Variants in MPRIP observed in about 807,000 individuals in gnomAD.
The protein encoded by MPRIP is myosin phosphatase Rho interacting protein.
In MPRIP, 59 loss-of-function variants were observed where a neutral mutation model predicts 234.9. The observed-to-expected ratio is 0.25, with a 90% CI of 0.20 to 0.31. The LOEUF is 0.31. MPRIP is among the 10% of genes least tolerant of loss of function. The pLI, the probability that MPRIP is intolerant of heterozygous loss-of-function variation, is 1.00. For synonymous variants in MPRIP, 1,144 were observed against 1,263.9 expected, an observed-to-expected ratio of 0.91 and a Z score of 2.01; for missense variants, 2,436 against 3,071.0, an observed-to-expected ratio of 0.79 and a Z score of 4.89.
In MPRIP at chr17:17,188,269, G is replaced by C. The variant is rs1049414254; in HGVS notation, c.*3375G>C. 12 of 152,402 alleles carry C rather than the reference G, an allele frequency of 7.9e-5. No homozygotes were observed. Among genetic ancestry groups the C allele is most frequent in the Non-Finnish European group, 1.5e-4 (10 of 68,128 alleles). 9.4% of individuals were successfully genotyped at this position (152,402 alleles called of 1,614,324 possible). The stretch of plus-strand genomic sequence containing the variant: ...GGGAGTCATAATGGGCCTGTGCTAA[G>C]TGGGTGATGCAGTGGACATCCCAGG... On this transcript the variant is annotated 3_prime_UTR_variant, in exon 24 of 24. Transcript: ENST00000651222.
Position 17,138,063 on chromosome 17 carries a change from C to G in MPRIP, c.884C>G (p.Thr295Ser). 6.2e-7 allele frequency: 1 copy of G among 1,602,378 alleles called. No homozygotes were observed. The highest frequency in any genetic ancestry group is 2.3e-5 in the East Asian group (1 of 43,876). Residue 295 changes from threonine to serine, a missense_variant, in exon 7 of 24, where the codon ACC (threonine) becomes AGC (serine). By Grantham distance (58) the Thr-to-Ser change is moderately conservative (BLOSUM62 1). This residue lies in a region of MPRIP where 267 missense variants were observed against 252.7 expected (regional missense o/e 1.06). Coordinates refer to ENST00000651222, the MANE Select transcript of MPRIP (RefSeq NM_001364716.4). This position sits in a 1 kb window ranked among gnomAD's most constrained non-coding sequence, Gnocchi z 5.8. ...PPPLSPPSPS[T>S]PNHRYSCPES... The stretch of plus-strand genomic sequence containing the variant: ...CCGCTCTCCCCTCCCAGCCCCAGCA[C>G]CCCCAACCACAGGTACAGTTGCCCC...
At chr17:17,099,197 C>T (rs747304433) in intron 3 of MPRIP, among the ~76,000 whole-genome samples, 6 of 152,198 alleles carry the variant, frequency 3.9e-5, no homozygotes. Flanking sequence ...CTCCCTCCCT[C>T]CTCCCTGGAC....
chr17:17,128,889 C>G (rs2090544327), intron 4 of MPRIP, among the ~76,000 whole-genome samples: 1 of 152,202 alleles, frequency 6.6e-6, no homozygotes. Context: ...CTCTGTTTCC[C>G]ATTATAACTC....
chr17:17,076,792 G>A (rs1283377980), intron 2 of MPRIP, among the ~76,000 whole-genome samples: 2 of 152,084 alleles, frequency 1.3e-5, no homozygotes, highest in Non-Finnish European at 2.9e-5. Context: ...TTTATATCAA[G>A]GTTGTACAAA....
chr17:17,184,566 T>G (rs4985741), intron 23 of MPRIP, among the ~76,000 whole-genome samples: 80,106 of 152,164 alleles, frequency 0.53, 25,179 homozygotes, highest in East Asian at 0.68. Flanking sequence ...AAGCTCAGAA[T>G]TTAGCTGCTT....
At chr17:17,137,063 C>T (rs920892174) in intron 6 of MPRIP, among the ~76,000 whole-genome samples, 11 of 152,184 alleles carry the variant, frequency 7.2e-5, no homozygotes, top group Non-Finnish European at 2.9e-5. Flanking sequence ...AAGTGAGCAG[C>T]AGGGGCCAGC....
chr17:17,054,541 A>G (rs986682434), intron 1 of MPRIP, among the ~76,000 whole-genome samples: 2 of 152,190 alleles, frequency 1.3e-5, no homozygotes, highest in Non-Finnish European at 2.9e-5. Flanking sequence ...GACTGGGACC[A>G]CTTAGATGTC....
chr17:17,051,264 G>T (rs1457172172), intron 1 of MPRIP, among the ~76,000 whole-genome samples: 1 of 152,216 alleles, frequency 6.6e-6, no homozygotes, highest in Non-Finnish European at 1.5e-5. Context: ...TTCCCAAGCT[G>T]CCACTTAGTC....
rs1432364882 is a variant in MPRIP at position 17,164,998 on chromosome 17, G to C, written c.3407G>C (p.Arg1136Thr). 1 of 1,301,920 alleles carries C rather than the reference G, an allele frequency of 7.7e-7. No individual in the cohort carries two copies. Among genetic ancestry groups the C allele is most frequent in the Non-Finnish European group, 1.0e-6 (1 of 988,834 alleles). The allele number at this position is 1,301,920 out of a possible 1,614,324, so 80.6% of individuals were successfully genotyped here. A position where few individuals can be genotyped will look rare whatever the true frequency, so the allele number is the denominator to read the frequency against. Residue 1136 changes from arginine (R) to threonine (T), a missense_variant, in exon 16 of 24, where the codon AGG becomes ACG. Physicochemically the swap from Arg to Thr is moderately conservative, Grantham distance 71. This residue lies in a region of MPRIP where 1,998 missense variants were observed against 2,520.3 expected (regional missense o/e 0.79). Coordinates refer to ENST00000651222, the MANE Select transcript of MPRIP (RefSeq NM_001364716.4). ...EDVAELREKLRRREADNQSLE... is the reference protein window; with the variant it reads ...EDVAELREKLTRREADNQSLE... ...GTGGCTGAGCTCCGGGAAAAGCTGA[G>C]GAGAAGAGAGGCTGACAACCAGAGC...
intron 1 of MPRIP, among the ~76,000 whole-genome samples, chr17:17,073,323 C>T (rs2089246048): frequency 6.6e-6 from 1 of 152,212 alleles, no homozygotes; most frequent in Non-Finnish European, 1.5e-5. Flanking sequence ...GCTGCAGGCT[C>T]CCTGGTATAC....
At chr17:17,115,436 G>T (rs764050645) in intron 3 of MPRIP, among the ~76,000 whole-genome samples, 12 of 152,220 alleles carry the variant, frequency 7.9e-5, no homozygotes, top group Non-Finnish European at 1.6e-4. Context: ...GCCTGGGTTG[G>T]CAGGGAGGCG....
chr17:17,134,804 G>A (rs573996493), intron 5 of MPRIP, among the ~76,000 whole-genome samples: 66 of 152,314 alleles, frequency 4.3e-4, no homozygotes, highest in African/African-American at 1.5e-3. Context: ...CAGCGCCTGC[G>A]GCCTCCCTTG....
chr17:17,099,426 C>A (rs774892005), intron 3 of MPRIP, among the ~76,000 whole-genome samples: 7 of 152,190 alleles, frequency 4.6e-5, no homozygotes, highest in Non-Finnish European at 8.8e-5. Context: ...TACTAAGAGT[C>A]CTTAAAGTGA....
At position 17,138,251 on chromosome 17, in the gene MPRIP, G is replaced by C; in HGVS notation, c.1072G>C (p.Gly358Arg). ...STRGRGTERL[G>R]SAFAFKASRQ... ...TAGGGGGCGGGGGACAGAGAGACTG[G>C]GGAGCGCCTTTGCCTTTAAAGCCAG... The change falls in exon 7 of 24, where the codon GGG becomes CGG. Residue 358 changes from glycine to arginine, a missense_variant. This residue lies in a region of MPRIP where 267 missense variants were observed against 252.7 expected (regional missense o/e 1.06). Coordinates refer to ENST00000651222, the MANE Select transcript of MPRIP (RefSeq NM_001364716.4). The surrounding 1 kb of genome is among the most constrained non-coding windows in gnomAD (Gnocchi z 5.8). 1.8e-6 allele frequency: 1 copy of C among 558,470 alleles called. No individual in the cohort carries two copies. Among genetic ancestry groups the C allele is most frequent in the Non-Finnish European group, 3.0e-6 (1 of 333,508 alleles). The allele number at this position is 558,470 out of a possible 1,614,324, so 34.6% of individuals were successfully genotyped here. A position where few individuals can be genotyped will look rare whatever the true frequency, so the allele number is the denominator to read the frequency against.
intron 3 of MPRIP, among the ~76,000 whole-genome samples, chr17:17,126,411 C>T (rs1485813250): frequency 6.6e-6 from 1 of 152,168 alleles, no homozygotes; most frequent in Non-Finnish European, 1.5e-5. Flanking sequence ...CTCAGCTGCC[C>T]CTGTCACCGC....
In MPRIP at chr17:17,138,052, C is replaced by T; in HGVS notation, c.873C>T (p.Pro291=). The part of the protein sequence containing the change: ...EQQLPPPLSP[P]SPSTPNHRYS... ...AGCTGCCCCCGCCGCTCTCCCCTCCCAGCCCCAGCACCCCCAACCACAGGT... is the reference window on the plus strand; with the variant it reads ...AGCTGCCCCCGCCGCTCTCCCCTCCTAGCCCCAGCACCCCCAACCACAGGT... Residue 291 remains proline (P), a synonymous_variant, in exon 7 of 24, where the codon CCC becomes CCT. Transcript: ENST00000651222. This position sits in a 1 kb window ranked among gnomAD's most constrained non-coding sequence, Gnocchi z 5.8. The T allele has an allele frequency of 6.2e-7, 1 of 1,608,326 alleles. No individual in the cohort carries two copies. The highest frequency in any genetic ancestry group is 8.5e-7 in the Non-Finnish European group (1 of 1,177,522).
At chr17:17,101,981 G>A (rs1302166550) in intron 3 of MPRIP, among the ~76,000 whole-genome samples, 1 of 152,168 alleles carries the variant, frequency 6.6e-6, no homozygotes, top group Non-Finnish European at 1.5e-5. Context: ...TGAGGAAGAG[G>A]AAACGTCCAG....
At chr17:17,126,148 A>G (rs2090486139) in intron 3 of MPRIP, among the ~76,000 whole-genome samples, 1 of 152,222 alleles carries the variant, frequency 6.6e-6, no homozygotes, top group Non-Finnish European at 1.5e-5. Context: ...TTGCCATGCC[A>G]GAGCTGGTGT....
intron 3 of MPRIP, 65 bp from the exon 4 acceptor site, chr17:17,126,637 G>T: frequency 6.5e-7 from 1 of 1,542,010 alleles, no homozygotes; most frequent in Non-Finnish European, 8.8e-7. Context: ...GAATGGCCTG[G>T]GGCTGTACGA....
Sources: gnomAD v4.1 joint callset for allele counts (sites outside exome capture counted in the v4.1 genomes callset) on GRCh38, gnomAD v4.1.1 for gene constraint, gnomAD v4.1.1 regional missense constraint, Gnocchi (gnomAD v3.1) non-coding constraint, MANE v1.5 for transcripts, NCBI Gene and HGNC (gene_info 2026-07-23, HGNC 2026-07-21) for gene names.